LRPPRC: variants seen among roughly 807,000 people sequenced by gnomAD.
LRPPRC encodes the protein leucine rich pentatricopeptide repeat containing, also known as leucine-rich PPR motif-containing protein, mitochondrial.
LRPPRC carries 120 observed loss-of-function variants against 180.3 expected under a neutral mutation model. That is an observed-to-expected ratio of 0.67 (90% CI 0.57 to 0.77). LRPPRC has a LOEUF of 0.77. Ranked by LOEUF, LRPPRC falls within the 30% of genes least tolerant of loss-of-function variation. The probability of loss-of-function intolerance (pLI) is 0.00; values close to 1 mark genes in which losing one functional copy is unlikely to be tolerated. For synonymous variants in LRPPRC, 723 were observed against 600.0 expected, an observed-to-expected ratio of 1.21 and a Z score of -3.00; for missense variants, 2,012 against 1,657.2, an observed-to-expected ratio of 1.21 and a Z score of -3.72.
chr2:43,976,849 G>T, intron 5 of LRPPRC, 145 bp downstream of exon 5: 2 of 666,050 alleles, frequency 3.0e-6, no homozygotes, highest in Non-Finnish European at 5.3e-6. Flanking sequence ...TTTTATGTAA[G>T]TCAGATTACC....
chr2:43,988,238 A>C (rs1447679408), intron 1 of LRPPRC, among the ~76,000 whole-genome samples: 7 of 52,014 alleles, frequency 1.3e-4, no homozygotes, highest in Non-Finnish European at 2.6e-4. Context: ...CTCTGTCTCA[A>C]AAAAAAAAAA....
chr2:43,917,638 A>C lies in LRPPRC; in HGVS notation c.3148+387T>G, dbSNP rs992077915. ...CCCCATCTCTACTACAAATATAAAA[A>C]ATTAGCCAGGCGTGGGGGCGGACAC... On this transcript the variant is annotated intron_variant, in intron 29 of 37. Transcript: ENST00000260665. 2.4e-4 allele frequency among the ~76,000 whole-genome samples: 37 copies of C among 151,980 alleles called. 1 individual carries two copies. The highest frequency in any genetic ancestry group is 8.9e-4 in the African/African-American group (37 of 41,362).
chr2:43,938,003 TTAA>T (rs1672335094), intron 23 of LRPPRC, among the ~76,000 whole-genome samples: 2 of 152,154 alleles, frequency 1.3e-5, no homozygotes, highest in African/African-American at 4.8e-5. Context: ...TCTGAAGAAA[TTAA>T]TGTTGACACA....
Position 43,986,235 on chromosome 2 carries a change from T to G in LRPPRC, c.150-3801A>C, listed in dbSNP as rs1187679088. On this transcript the variant is annotated intron_variant, in intron 1 of 37. Transcript: ENST00000260665. ...AACCTCTGCCTCAGGATTCAAGCGA[T>G]TCTCATGCCTCAGCCTCCTGAGTAG... is the stretch of plus-strand genomic sequence containing the variant. Among the ~76,000 whole-genome samples, 7 of 152,292 alleles carry G rather than the reference T, an allele frequency of 4.6e-5. No homozygotes were observed. In the East Asian group the frequency reaches 1.2e-3, roughly 25 times the overall value.
Position 43,988,068 on chromosome 2 carries a change from C to T in LRPPRC, c.150-5634G>A, listed in dbSNP as rs556596302. 6.1e-4 allele frequency among the ~76,000 whole-genome samples: 93 copies of T among 152,058 alleles called. 1 individual carries two copies. Among genetic ancestry groups the T allele is most frequent in the African/African-American group, 2.0e-3 (84 of 41,480 alleles). On this transcript the variant is annotated intron_variant, in intron 1 of 37. Coordinates refer to ENST00000260665, the MANE Select transcript of LRPPRC (RefSeq NM_133259.4). ...CCAGCCCGGCCAACATGTGAAACCC[C>T]ATCTCTACTAAAAATACAAAAATAA...
intron 2 of LRPPRC, among the ~76,000 whole-genome samples, chr2:43,981,307 A>G (rs568197649): frequency 7.4e-5 from 11 of 149,476 alleles, no homozygotes; most frequent in Non-Finnish European, 1.3e-4. Context: ...GAAACTTACT[A>G]CTAAAAGTGA....
chr2:43,948,990 T>TG (rs1672799003), intron 16 of LRPPRC, among the ~76,000 whole-genome samples: 1 of 152,162 alleles, frequency 6.6e-6, no homozygotes, highest in East Asian at 1.9e-4. Context: ...AGTAATCCTG[T>TG]GGAGAGCTGC....
chr2:43,989,259 C>A (rs534603949), intron 1 of LRPPRC, among the ~76,000 whole-genome samples: 2 of 152,308 alleles, frequency 1.3e-5, no homozygotes, highest in East Asian at 3.9e-4. Context: ...CAGTTTTATG[C>A]TTTATGGTAA....
At chr2:43,940,358 A>T (rs750387986) in intron 23 of LRPPRC, among the ~76,000 whole-genome samples, 1 of 152,300 alleles carries the variant, frequency 6.6e-6, no homozygotes, top group Middle Eastern at 3.4e-3. Flanking sequence ...CAACATTTTA[A>T]AAAGCCTATT....
At position 43,976,003 on chromosome 2, in the gene LRPPRC, G is replaced by C. The variant is rs192097823; in HGVS notation, c.737+140C>G. ...CTACAGATTTTTTTTTGAAGGGATA[G>C]ACAAATGTATTTTAAGAACTGTCTA... On this transcript the variant is annotated intron_variant, in intron 6 of 37. Coordinates refer to ENST00000260665, the MANE Select transcript of LRPPRC (RefSeq NM_133259.4). 1.1e-5 allele frequency: 7 copies of C among 618,196 alleles called. No homozygotes were observed. In the Admixed American group the frequency reaches 2.0e-4, roughly 18 times the overall value. 38.3% of individuals were successfully genotyped at this position (618,196 alleles called of 1,614,324 possible).
intron 25 of LRPPRC, among the ~76,000 whole-genome samples, chr2:43,926,728 A>G (rs1165176114): frequency 1.3e-5 from 2 of 152,200 alleles, no homozygotes; most frequent in Admixed American, 6.5e-5. Context: ...CTTTATTCCA[A>G]TAGACTCAGG....
At chr2:43,951,080 G>A (rs1036778328) in intron 14 of LRPPRC, among the ~76,000 whole-genome samples, 4 of 152,206 alleles carry the variant, frequency 2.6e-5, no homozygotes, top group African/African-American at 7.2e-5. Context: ...ACTGCCCACA[G>A]ATTGCTTGTT....
At chr2:43,910,880 G>A (rs574016858) in intron 30 of LRPPRC, among the ~76,000 whole-genome samples, 4 of 152,136 alleles carry the variant, frequency 2.6e-5, no homozygotes, top group South Asian at 4.2e-4. Flanking sequence ...AGGTCTTTGT[G>A]ACCAAACTCA....
chr2:43,944,037 A>G, intron 22 of LRPPRC, 143 bp from the exon 23 acceptor site: 2 of 676,164 alleles, frequency 3.0e-6, no homozygotes, highest in Non-Finnish European at 5.3e-6. Flanking sequence ...TTGCATTTCT[A>G]AACGAGACTA....
chr2:43,928,136 T>A (rs1271600620), intron 25 of LRPPRC, among the ~76,000 whole-genome samples: 1 of 152,238 alleles, frequency 6.6e-6, no homozygotes, highest in East Asian at 1.9e-4. Flanking sequence ...AACAATTGCA[T>A]GTTTGTTTCC....
chr2:43,934,730 T>C, intron 24 of LRPPRC, 24 bp downstream of exon 24: 3 of 1,609,750 alleles, frequency 1.9e-6, no homozygotes, highest in Non-Finnish European at 2.6e-6. Context: ...AAAAACTACA[T>C]TAAGATACTA....
chr2:43,979,083 T>A (rs1012500940), intron 3 of LRPPRC, among the ~76,000 whole-genome samples: 1 of 152,138 alleles, frequency 6.6e-6, no homozygotes, highest in East Asian at 1.9e-4. Context: ...AAATCAGGAA[T>A]GAACATTAAA....
chr2:43,904,232 G>A (rs914408190), intron 31 of LRPPRC, among the ~76,000 whole-genome samples: 2 of 152,094 alleles, frequency 1.3e-5, no homozygotes, highest in African/African-American at 4.8e-5. Flanking sequence ...GTGAGCCATT[G>A]CGCCTAGCCA....
chr2:43,919,082 C>T (rs1671602781), intron 27 of LRPPRC, among the ~76,000 whole-genome samples: 1 of 152,016 alleles, frequency 6.6e-6, no homozygotes, highest in Non-Finnish European at 1.5e-5. Context: ...ACCCGCTGAG[C>T]TCCACCTCCT....
Sources: gnomAD v4.1 joint callset for allele counts (sites outside exome capture counted in the v4.1 genomes callset) on GRCh38, gnomAD v4.1.1 for gene constraint, MANE v1.5 for transcripts, NCBI Gene and HGNC (gene_info 2026-07-23, HGNC 2026-07-21) for gene names.